The following GULP1 variants were observed in gnomAD, a reference collection of about 807,000 sequenced individuals.
GULP1 encodes the protein GULP PTB domain containing engulfment adaptor 1.
Under a neutral mutation model 40.9 loss-of-function variants are expected in GULP1, and 19 were observed. The ratio of observed to expected loss-of-function variants is 0.46; its 90% CI spans 0.32 to 0.68. The LOEUF (loss-of-function observed/expected upper bound fraction) is 0.68. Among genes scored for constraint, GULP1 ranks in the 30% least tolerant of loss-of-function variants. The pLI is 0.03. For synonymous variants in GULP1, 119 were observed against 117.6 expected, an observed-to-expected ratio of 1.01 and a Z score of -0.08; for missense variants, 312 against 362.2, an observed-to-expected ratio of 0.86 and a Z score of 1.12.
intron 2 of GULP1, among the ~76,000 whole-genome samples, chr2:188,397,838 T>A (rs530256135): frequency 2.6e-5 from 4 of 152,254 alleles, no homozygotes; most frequent in African/African-American, 9.6e-5. Context: ...GAACAATCAA[T>A]CCAAAGAAGA....
chr2:188,305,379 G>A (rs931453884), intron 1 of GULP1, among the ~76,000 whole-genome samples: 1 of 152,294 alleles, frequency 6.6e-6, no homozygotes, highest in African/African-American at 2.4e-5. Flanking sequence ...CAACAGTGTA[G>A]AAATGTGATT....
chr2:188,593,486 A>C (rs1559416961), intron 11 of GULP1: 2 of 152,208 alleles, frequency 1.3e-5, no homozygotes, highest in Non-Finnish European at 2.9e-5. Context: ...ATTTAAAAGA[A>C]GTATTTTACC....
intron 1 of GULP1, among the ~76,000 whole-genome samples, chr2:188,311,958 G>C (rs1293813902): frequency 6.7e-6 from 1 of 149,840 alleles, no homozygotes; most frequent in East Asian, 1.9e-4. Flanking sequence ...ACTCAAACTG[G>C]CTTTTTAACA....
intron 1 of GULP1, among the ~76,000 whole-genome samples, chr2:188,352,836 A>G (rs1291130788): frequency 2.6e-5 from 4 of 152,202 alleles, no homozygotes; most frequent in Admixed American, 6.5e-5. Context: ...TTCATTATAC[A>G]TTGAACTTCC....
chr2:188,420,025 G>C (rs1213116646), intron 2 of GULP1, among the ~76,000 whole-genome samples: 1 of 152,036 alleles, frequency 6.6e-6, no homozygotes, highest in Non-Finnish European at 1.5e-5. Context: ...CTTATTTCTG[G>C]GTTCTGTGTT....
intron 1 of GULP1, among the ~76,000 whole-genome samples, chr2:188,376,233 AAC>A (rs1286966162): frequency 6.6e-6 from 1 of 152,226 alleles, no homozygotes; most frequent in Non-Finnish European, 1.5e-5. Flanking sequence ...AAATCTATAA[AAC>A]ACACTAGACA....
intron 7 of GULP1, among the ~76,000 whole-genome samples, chr2:188,563,339 T>C (rs1276363790): frequency 6.6e-6 from 1 of 151,686 alleles, no homozygotes; most frequent in Non-Finnish European, 1.5e-5. Context: ...AGATCCTATA[T>C]TCTTTAAAAG....
At chr2:188,479,501 C>G (rs2061285968) in intron 3 of GULP1, among the ~76,000 whole-genome samples, 2 of 152,084 alleles carry the variant, frequency 1.3e-5, no homozygotes, top group Non-Finnish European at 2.9e-5. Flanking sequence ...TGGTCTCAAA[C>G]TCCAAGCATC....
intron 1 of GULP1, among the ~76,000 whole-genome samples, chr2:188,354,186 G>T (rs937261119): frequency 6.6e-6 from 1 of 152,140 alleles, no homozygotes; most frequent in Non-Finnish European, 1.5e-5. Context: ...ATAGAGCCTG[G>T]GATACTGCCA....
chr2:188,589,431 T>C (rs1484837888), intron 11 of GULP1: 4 of 205,462 alleles, frequency 1.9e-5, no homozygotes, highest in Non-Finnish European at 3.9e-5. Context: ...ATGTACTATC[T>C]GGTACTAATG....
chr2:188,349,361 CAACAAT>C (rs1299175686), intron 1 of GULP1, among the ~76,000 whole-genome samples: 1 of 152,142 alleles, frequency 6.6e-6, no homozygotes, highest in Admixed American at 6.6e-5. Flanking sequence ...ACAATCCTAT[CAACAAT>C]ATATGAGGGT....
intron 1 of GULP1, among the ~76,000 whole-genome samples, chr2:188,360,660 A>G (rs1470247353): frequency 6.6e-6 from 1 of 152,114 alleles, no homozygotes; most frequent in Non-Finnish European, 1.5e-5. Context: ...TGTGTCCTTG[A>G]AAGTGCTCTT....
At chr2:188,357,330 A>C (rs1385437897) in intron 1 of GULP1, among the ~76,000 whole-genome samples, 2 of 152,178 alleles carry the variant, frequency 1.3e-5, no homozygotes, top group Admixed American at 1.3e-4. Context: ...TAATATCTAG[A>C]ATATATGATA....
intron 1 of GULP1, among the ~76,000 whole-genome samples, chr2:188,374,200 A>G (rs2047997461): frequency 6.6e-6 from 1 of 152,132 alleles, no homozygotes; most frequent in African/African-American, 2.4e-5. Flanking sequence ...CATTTTATAG[A>G]AAACTTTTAT....
At chr2:188,491,856 A>C (rs1306270065) in intron 4 of GULP1, among the ~76,000 whole-genome samples, 1 of 152,172 alleles carries the variant, frequency 6.6e-6, no homozygotes, top group East Asian at 1.9e-4. Flanking sequence ...TTTGAACTAC[A>C]GGAAACTTCA....
intron 2 of GULP1, among the ~76,000 whole-genome samples, chr2:188,407,917 T>TAC (rs571363439): frequency 1.3e-5 from 2 of 152,146 alleles, no homozygotes; most frequent in East Asian, 3.9e-4. Flanking sequence ...AATTTTTAAG[T>TAC]ACACACACAG....
intron 1 of GULP1, among the ~76,000 whole-genome samples, chr2:188,301,834 G>A (rs1276143631): frequency 6.6e-6 from 1 of 152,124 alleles, no homozygotes; most frequent in African/African-American, 2.4e-5. Context: ...ATCATCTTTT[G>A]TCACGAGGAG....
intron 1 of GULP1, among the ~76,000 whole-genome samples, chr2:188,300,360 A>G (rs930445871): frequency 7.9e-5 from 12 of 152,314 alleles, no homozygotes; most frequent in Admixed American, 5.9e-4. Flanking sequence ...TATGAATAAT[A>G]TTGAAAAAAT....
At chr2:188,398,820 A>C in intron 2 of GULP1, among the ~76,000 whole-genome samples, 1 of 152,116 alleles carries the variant, frequency 6.6e-6, no homozygotes, top group Non-Finnish European at 1.5e-5. Context: ...GTGAAAAATA[A>C]AAAATATTTT....
Sources: allele counts gnomAD v4.1 joint callset (sites outside exome capture counted in the v4.1 genomes callset), GRCh38; gene constraint gnomAD v4.1.1; transcripts MANE v1.5; gene names NCBI Gene and HGNC (gene_info 2026-07-23, HGNC 2026-07-21).